Variants in KHDRBS2 observed in about 807,000 individuals in gnomAD.
KHDRBS2 encodes the protein KH RNA binding domain containing, signal transduction associated 2, also known as KH domain-containing, RNA-binding, signal transduction-associated protein 2.
KHDRBS2 carries 26 observed loss-of-function variants against 44.3 expected under a neutral mutation model. That is an observed-to-expected ratio of 0.59 (90% CI 0.43 to 0.81). The LOEUF is 0.81. KHDRBS2 is among the 40% of genes least tolerant of loss of function. The probability of loss-of-function intolerance (pLI) is 0.00; values close to 1 mark genes in which losing one functional copy is unlikely to be tolerated. For synonymous variants in KHDRBS2, 194 were observed against 151.1 expected (o/e 1.28, Z -2.08); for missense variants, 476 against 433.1 (o/e 1.10, Z -0.88).
intron 6 of KHDRBS2, among the ~76,000 whole-genome samples, chr6:61,873,507 C>A (rs1798959417): frequency 6.6e-6 from 1 of 151,682 alleles, no homozygotes; most frequent in African/African-American, 2.4e-5. Context: ...TAATAACATA[C>A]TAGGTAATTT....
At chr6:61,580,163 A>C in the KHDRBS2 span, among the ~76,000 whole-genome samples, 21 of 152,210 alleles carry the variant, frequency 1.4e-4, no homozygotes, top group African/African-American at 4.6e-4. Flanking sequence ...ATTGAAGTAA[A>C]CTTTGACAAC....
intron 3 of KHDRBS2, among the ~76,000 whole-genome samples, chr6:62,042,705 T>C (rs1441494469): frequency 6.6e-6 from 1 of 152,076 alleles, no homozygotes. Flanking sequence ...TTTTTGTTGA[T>C]TTTACTGTTG....
intron 3 of KHDRBS2, among the ~76,000 whole-genome samples, chr6:61,998,143 G>T (rs1192466): frequency 0.99 from 150,970 of 152,266 alleles, 74,860 homozygotes; most frequent in East Asian, 1. Context: ...TTAGTTAAAT[G>T]AAGAACCTGA....
At chr6:61,825,918 C>T (rs763731145) in intron 6 of KHDRBS2, among the ~76,000 whole-genome samples, 2 of 152,102 alleles carry the variant, frequency 1.3e-5, no homozygotes, top group African/African-American at 2.4e-5. Context: ...CTGCCACATA[C>T]TAAGCATTGT....
At chr6:61,769,227 A>G (rs1780452229) in intron 6 of KHDRBS2, among the ~76,000 whole-genome samples, 1 of 152,138 alleles carries the variant, frequency 6.6e-6, no homozygotes, top group Non-Finnish European at 1.5e-5. Context: ...TACGGAGCCC[A>G]GCATGAGCAA....
At chr6:61,622,719 C>T in the KHDRBS2 span, among the ~76,000 whole-genome samples, 1 of 152,052 alleles carries the variant, frequency 6.6e-6, no homozygotes, top group African/African-American at 2.4e-5. Flanking sequence ...GCTTGAATGG[C>T]TGTAAGACCC....
the KHDRBS2 span, among the ~76,000 whole-genome samples, chr6:61,623,606 T>C: frequency 3.9e-5 from 6 of 152,214 alleles, no homozygotes; most frequent in Non-Finnish European, 8.8e-5. Context: ...CCATTTATTT[T>C]AAGATGGAAA....
the KHDRBS2 span, among the ~76,000 whole-genome samples, chr6:61,569,638 C>T: frequency 6.6e-6 from 1 of 152,192 alleles, no homozygotes; most frequent in South Asian, 2.1e-4. Context: ...GCACACTAAA[C>T]ATATCTACAA....
chr6:62,060,461 G>C (rs191617336), intron 2 of KHDRBS2, among the ~76,000 whole-genome samples: 30 of 151,890 alleles, frequency 2.0e-4, no homozygotes, highest in Admixed American at 1.8e-3. Context: ...GTAATTTAGA[G>C]TTTGAGAAAA....
At chr6:61,715,709 T>C (rs558477194) in intron 7 of KHDRBS2, among the ~76,000 whole-genome samples, 1 of 152,064 alleles carries the variant, frequency 6.6e-6, no homozygotes, top group East Asian at 1.9e-4. Context: ...GTGTCTCTCT[T>C]CTTCTCTAAT....
At chr6:61,975,680 C>CACACACACACACACACACACAG (rs148696826) in intron 4 of KHDRBS2, among the ~76,000 whole-genome samples, 2 of 149,860 alleles carry the variant, frequency 1.3e-5, no homozygotes, top group African/African-American at 4.9e-5. Flanking sequence ...CACACACACA[C>CACACACACACACACACACACAG]AGAGAGATAT....
At chr6:62,130,412 T>G (rs911060352) in intron 2 of KHDRBS2, among the ~76,000 whole-genome samples, 1 of 152,200 alleles carries the variant, frequency 6.6e-6, no homozygotes. Flanking sequence ...GTTAAGTTAC[T>G]TAAATTCTTG....
chr6:61,591,961 A>G, the KHDRBS2 span, among the ~76,000 whole-genome samples: 1 of 152,098 alleles, frequency 6.6e-6, no homozygotes, highest in Non-Finnish European at 1.5e-5. Flanking sequence ...CCAAGGCAAG[A>G]GAGGGTCATG....
At chr6:61,811,934 A>G (rs978769648) in intron 6 of KHDRBS2, among the ~76,000 whole-genome samples, 1 of 152,148 alleles carries the variant, frequency 6.6e-6, no homozygotes, top group Non-Finnish European at 1.5e-5. Flanking sequence ...TCTAGTTTCT[A>G]GAAGAAAATG....
At chr6:61,904,955 T>A (rs1804695556) in intron 4 of KHDRBS2, among the ~76,000 whole-genome samples, 1 of 152,216 alleles carries the variant, frequency 6.6e-6, no homozygotes, top group African/African-American at 2.4e-5. Context: ...GGTAAATCCA[T>A]TCATGATAAT....
At chr6:61,679,407 A>G (rs912063612), downstream of KHDRBS2, among the ~76,000 whole-genome samples, 1 of 151,912 alleles carries the variant, frequency 6.6e-6, no homozygotes, top group African/African-American at 2.4e-5. Flanking sequence ...ATATTTTTGT[A>G]GGTTTACTTT....
At chr6:61,813,516 T>A (rs62416612) in intron 6 of KHDRBS2, among the ~76,000 whole-genome samples, 27,482 of 152,114 alleles carry the variant, frequency 0.18, 2,592 homozygotes, top group Non-Finnish European at 0.2. Flanking sequence ...GTCTGTGGTT[T>A]TGAGATGGTG....
At chr6:61,701,029 G>A (rs530726125) in intron 7 of KHDRBS2, among the ~76,000 whole-genome samples, 1 of 151,832 alleles carries the variant, frequency 6.6e-6, no homozygotes, top group African/African-American at 2.4e-5. Flanking sequence ...CAAACTATAG[G>A]GCATTATCTT....
chr6:61,867,677 T>C (rs1235100011), intron 6 of KHDRBS2, among the ~76,000 whole-genome samples: 1 of 152,206 alleles, frequency 6.6e-6, no homozygotes, highest in Non-Finnish European at 1.5e-5. Flanking sequence ...GTTTGGCTTT[T>C]AACAGTCTGT....
Sources: gnomAD v4.1 joint callset for allele counts (sites outside exome capture counted in the v4.1 genomes callset) on GRCh38, gnomAD v4.1.1 for gene constraint, MANE v1.5 for transcripts, NCBI Gene and HGNC (gene_info 2026-07-23, HGNC 2026-07-21) for gene names.